IP6K3: variants seen among roughly 807,000 people sequenced by gnomAD.
IP6K3 encodes ATP:1D-myo-inositol-hexakisphosphate phosphotransferase.
IP6K3 carries 20 observed loss-of-function variants against 28.8 expected under a neutral mutation model. The ratio of observed to expected loss-of-function variants is 0.70; its 90% CI spans 0.49 to 1.01. The LOEUF is 1.01. Ranked by LOEUF, IP6K3 falls within the 50% of genes least tolerant of loss-of-function variation. IP6K3 has a pLI of 0.00. For synonymous variants in IP6K3, 213 were observed against 221.3 expected (o/e 0.96, Z 0.33); for missense variants, 480 against 537.1 (o/e 0.89, Z 1.05).
In IP6K3 at chr6:33,726,879, C is replaced by T. The variant is rs140359694; in HGVS notation, c.441G>A (p.Glu147=). 1 of 1,610,208 alleles carries T rather than the reference C, an allele frequency of 6.2e-7. No homozygotes were observed. Among genetic ancestry groups the T allele is most frequent in the Non-Finnish European group, 8.5e-7 (1 of 1,177,038 alleles). ...ESPAKALLRS[E]PHLNTPAFSL... ...AGAAGGCTGGAGTGTTGAGGTGGGG[C>T]TCGGACCTCAGAAGAGCCTTGGCCG... The change falls in exon 4 of 6, where the codon GAG becomes GAA. Residue 147 remains glutamate (E), a synonymous_variant. Transcript: ENST00000293756.
At chr6:33,748,555 C>T (rs4385305), upstream of IP6K3, among the ~76,000 whole-genome samples, 1 of 140,450 alleles carries the variant, frequency 7.1e-6, no homozygotes, top group Non-Finnish European at 1.5e-5. Flanking sequence ...AGGAGGAATG[C>T]TTGAGCTCAG....
At chr6:33,755,244 G>A in the IP6K3 span, among the ~76,000 whole-genome samples, 103 of 152,374 alleles carry the variant, frequency 6.8e-4, no homozygotes, top group Admixed American at 2.6e-4. Context: ...TTCTGAGGCC[G>A]GAGGAGGCCA....
intron 3 of IP6K3, among the ~76,000 whole-genome samples, chr6:33,727,523 C>T (rs967284095): frequency 6.6e-6 from 1 of 152,142 alleles, no homozygotes; most frequent in Non-Finnish European, 1.5e-5. Context: ...TTTTGTTTCC[C>T]ATAAATGTTT....
At chr6:33,731,081 A>G (rs547577178) in intron 2 of IP6K3, among the ~76,000 whole-genome samples, 2 of 152,310 alleles carry the variant, frequency 1.3e-5, no homozygotes, top group African/African-American at 4.8e-5. Flanking sequence ...CTGACCTTTC[A>G]GAAACCAATG....
chr6:33,729,397 C>T (rs938512672), intron 2 of IP6K3, among the ~76,000 whole-genome samples: 1 of 152,236 alleles, frequency 6.6e-6, no homozygotes, highest in Non-Finnish European at 1.5e-5. Context: ...CTCTGCACCC[C>T]CTCTGTCCTG....
At chr6:33,726,524 G>T (rs1341236156) in intron 4 of IP6K3, among the ~76,000 whole-genome samples, 1 of 152,186 alleles carries the variant, frequency 6.6e-6, no homozygotes. Flanking sequence ...TCCCCATACT[G>T]TCTAGCTGTT....
Position 33,722,323 on chromosome 6 carries a change from C to G in IP6K3, c.*397G>C. Reference sequence around the variant, plus strand: ...ACCATGAGCTCATGAACTCACTCTTCAAGGCTGCTTCAAGTCAAGTTTTCT... The same window carrying G: ...ACCATGAGCTCATGAACTCACTCTTGAAGGCTGCTTCAAGTCAAGTTTTCT... On this transcript the variant is annotated 3_prime_UTR_variant, in exon 6 of 6. Coordinates refer to ENST00000293756, the MANE Select transcript of IP6K3 (RefSeq NM_054111.5). The G allele has an allele frequency of 5.7e-6, 1 of 175,444 alleles. No homozygotes were observed. 10.9% of individuals were successfully genotyped at this position (175,444 alleles called of 1,614,324 possible). A position where few individuals can be genotyped will look rare whatever the true frequency, so the allele number is the denominator to read the frequency against.
At chr6:33,757,143 C>T in the IP6K3 span, among the ~76,000 whole-genome samples, 1 of 152,256 alleles carries the variant, frequency 6.6e-6, no homozygotes, top group Non-Finnish European at 1.5e-5. Flanking sequence ...CAGGCTGTGG[C>T]AGTTCCCCTG....
the IP6K3 span, among the ~76,000 whole-genome samples, chr6:33,752,284 C>T: frequency 6.6e-6 from 1 of 152,150 alleles, no homozygotes; most frequent in Non-Finnish European, 1.5e-5. Flanking sequence ...GGAAGGTGGC[C>T]AGCTGGGGCC....
At position 33,726,715 on chromosome 6, in the gene IP6K3, G is replaced by T. The variant is rs1479204492; in HGVS notation, c.589+16C>A. ...CCCGCCCTTGGGACCACATGTGAGG[G>T]GGATGGCAAGGATACGATGCCGCTT... On this transcript the variant is annotated intron_variant, in intron 4 of 5. Transcript: ENST00000293756. The T allele has an allele frequency of 6.4e-7, 1 of 1,562,234 alleles. No homozygotes were observed. Among genetic ancestry groups the T allele is most frequent in the Admixed American group, 1.7e-5 (1 of 58,020 alleles).
upstream of IP6K3, among the ~76,000 whole-genome samples, chr6:33,749,653 C>T (rs1408797137): frequency 2.0e-5 from 3 of 151,384 alleles, no homozygotes; most frequent in Admixed American, 2.0e-4. Context: ...TGTGTGCGCG[C>T]GGCCCCGGGA....
In IP6K3 at chr6:33,741,645, C is replaced by CAAAAA. The variant is rs11403411; in HGVS notation, c.-180+5108_-180+5112dup. On this transcript the variant is annotated intron_variant, in intron 1 of 5. Transcript: ENST00000293756. ...TGGGCAACAGAGCGAGACTCCATCT[C>CAAAAA]AAAAAAAAAAAAAAAAAAAAAAAAA... Among the ~76,000 whole-genome samples the CAAAAA allele has an allele frequency of 4.8e-4, 14 of 29,384 alleles. 1 individual carries two copies. Among genetic ancestry groups the CAAAAA allele is most frequent in the African/African-American group, 2.4e-3 (14 of 5,766 alleles). 19.3% of individuals were successfully genotyped at this position (29,384 alleles called of 152,430 possible).
intron 2 of IP6K3, among the ~76,000 whole-genome samples, chr6:33,733,142 C>T (rs1766375329): frequency 6.6e-6 from 1 of 152,188 alleles, no homozygotes; most frequent in Non-Finnish European, 1.5e-5. Flanking sequence ...GTGCCCTGAC[C>T]CAGGTCCCTC....
rs1765934547 is a variant in IP6K3 at position 33,722,432 on chromosome 6, C to T, written c.*288G>A. The T allele has an allele frequency of 3.9e-6, 1 of 257,608 alleles. No individual in the cohort carries two copies. Among genetic ancestry groups the T allele is most frequent in the South Asian group, 1.0e-4 (1 of 9,544 alleles). 16.0% of individuals were successfully genotyped at this position (257,608 alleles called of 1,614,324 possible). A position where few individuals can be genotyped will look rare whatever the true frequency, so the allele number is the denominator to read the frequency against. On this transcript the variant is annotated 3_prime_UTR_variant, in exon 6 of 6. Transcript: ENST00000293756. ...ATTCCAGAATGTCAGCAATGCTGGC[C>T]TCTAACTTGGGCTGCCCCCTCCAGT...
the IP6K3 span, among the ~76,000 whole-genome samples, chr6:33,757,942 C>T: frequency 1.3e-5 from 2 of 152,198 alleles, no homozygotes; most frequent in Non-Finnish European, 2.9e-5. Flanking sequence ...CAGGGGGGAT[C>T]AGCTGAAAGC....
chr6:33,730,962 T>G (rs1766300480), intron 2 of IP6K3, among the ~76,000 whole-genome samples: 2 of 151,972 alleles, frequency 1.3e-5, no homozygotes, highest in African/African-American at 4.8e-5. Context: ...TCAGGGAGGG[T>G]CGTCAGCGCT....
At position 33,725,605 on chromosome 6, in the gene IP6K3, G is replaced by T. The variant is rs1260020376; in HGVS notation, c.601C>A (p.Leu201Met). The T allele has an allele frequency of 1.9e-6, 3 of 1,613,722 alleles. No homozygotes were observed. Among genetic ancestry groups the T allele is most frequent in the East Asian group, 2.2e-5 (1 of 44,888 alleles). The change falls in exon 5 of 6, where the codon CTG (leucine) becomes ATG (methionine). Residue 201 changes from leucine (L) to methionine (M), a missense_variant. Leu to Met is a conservative substitution (Grantham distance 15, BLOSUM62 2). Transcript: ENST00000293756. Reference protein sequence around the residue: ...PENKRHRFLLLENVVSQYTHP... With the variant: ...PENKRHRFLLMENVVSQYTHP... ...GTGTACTGTGACACTACATTTTCCA[G>T]CAACAAGAACCCTAGTCACACTAAG...
At position 33,725,355 on chromosome 6, in the gene IP6K3, G is replaced by T. The variant is rs370433955; in HGVS notation, c.765+86C>A. 630 of 1,358,874 alleles carry T rather than the reference G, an allele frequency of 4.6e-4. 1 individual carries two copies. In the African/African-American group the frequency reaches 5.3e-3, roughly 11 times the overall value. 84.2% of individuals were successfully genotyped at this position (1,358,874 alleles called of 1,614,324 possible). A position where few individuals can be genotyped will look rare whatever the true frequency, so the allele number is the denominator to read the frequency against. On this transcript the variant is annotated intron_variant, in intron 5 of 5. Transcript: ENST00000293756. The stretch of plus-strand genomic sequence containing the variant: ...CCAGAGTGAAGGGCTCTGCAGGGGG[G>T]CAGTGGCATCTGGATGGGAGATATC...
In IP6K3 at chr6:33,735,276, AC is replaced by A. The variant is rs1340040885; in HGVS notation, c.199+1del. On this transcript the variant is annotated splice_donor_variant, in intron 2 of 5. Coordinates refer to ENST00000293756, the MANE Select transcript of IP6K3 (RefSeq NM_054111.5). LOFTEE classifies it high-confidence loss of function. ...ACGTGGCCTGGCTGCCTAGACACTC[AC>A]CTTTGTACTGTGGGGTGAACCGCTT... The A allele has an allele frequency of 6.2e-7, 1 of 1,612,042 alleles. No homozygotes were observed. The highest frequency in any genetic ancestry group is 2.2e-5 in the East Asian group (1 of 44,836).
Sources: gnomAD v4.1 joint callset for allele counts (sites outside exome capture counted in the v4.1 genomes callset) on GRCh38, gnomAD v4.1.1 for gene constraint, MANE v1.5 for transcripts, NCBI Gene and HGNC (gene_info 2026-07-23, HGNC 2026-07-21) for gene names.